CSMD1: variants seen among roughly 807,000 people sequenced by gnomAD.
The protein encoded by CSMD1 is CUB and Sushi multiple domains 1.
A neutral mutation model predicts 417.5 loss-of-function variants in CSMD1; 213 were observed. That is an observed-to-expected ratio of 0.51 (90% confidence interval 0.46 to 0.57). The LOEUF (loss-of-function observed/expected upper bound fraction) is 0.57. Ranked by LOEUF, CSMD1 falls within the 20% of genes least tolerant of loss-of-function variation. CSMD1 has a pLI of 0.00. For synonymous variants in CSMD1, 2,862 were observed against 1,736.8 expected, an observed-to-expected ratio of 1.65 and a Z score of -16.11; for missense variants, 6,923 against 4,529.7, an observed-to-expected ratio of 1.53 and a Z score of -15.17.
chr8:3,058,563 T>A (rs928822120), intron 49 of CSMD1, among the ~76,000 whole-genome samples: 1 of 152,168 alleles, frequency 6.6e-6, no homozygotes, highest in Non-Finnish European at 1.5e-5. Context: ...AGTTGTCGAT[T>A]TACCATGCAA....
chr8:4,220,887 G>C (rs1053118949), intron 3 of CSMD1, among the ~76,000 whole-genome samples: 1 of 152,190 alleles, frequency 6.6e-6, no homozygotes, highest in Non-Finnish European at 1.5e-5. Context: ...ATTTGGGACT[G>C]GATGTGGGAG....
At chr8:3,554,879 G>A (rs1399961593) in intron 10 of CSMD1, among the ~76,000 whole-genome samples, 1 of 152,132 alleles carries the variant, frequency 6.6e-6, no homozygotes, top group Non-Finnish European at 1.5e-5. Flanking sequence ...CCCCTGCAGT[G>A]GTGAGAGTGT....
At position 4,359,947 on chromosome 8, in the gene CSMD1, T is replaced by G. The variant is rs77877253; in HGVS notation, c.415+60006A>C. Among the ~76,000 whole-genome samples, 495 of 152,324 alleles carry G rather than the reference T, an allele frequency of 3.2e-3. 24 individuals are homozygous for G. The East Asian group carries it at 0.084, about 26-fold the overall frequency. ...GTTCAGTGAAAGAATGCTTCCCTAC[T>G]GGAGATCTTCCACATGGTTAGGATG... On this transcript the variant is annotated intron_variant, in intron 3 of 69. Coordinates refer to ENST00000635120, the MANE Select transcript of CSMD1 (RefSeq NM_033225.6).
intron 3 of CSMD1, among the ~76,000 whole-genome samples, chr8:4,409,439 A>C (rs890457362): frequency 1.3e-5 from 2 of 152,198 alleles, no homozygotes; most frequent in Non-Finnish European, 2.9e-5. Flanking sequence ...GAATAAAAAC[A>C]AATCAACAAC....
At chr8:4,125,751 T>C (rs566021577) in intron 3 of CSMD1, among the ~76,000 whole-genome samples, 7 of 152,242 alleles carry the variant, frequency 4.6e-5, no homozygotes, top group East Asian at 1.9e-4. Context: ...TGAAACAAAA[T>C]TGTTTACAGC....
chr8:3,043,142 G>A (rs1289351499), intron 50 of CSMD1, among the ~76,000 whole-genome samples: 4 of 150,744 alleles, frequency 2.7e-5, no homozygotes, highest in Admixed American at 2.0e-4. Flanking sequence ...TATATATAGT[G>A]ATATACATAT....
intron 1 of CSMD1, among the ~76,000 whole-genome samples, chr8:4,742,961 A>G (rs1170169994): frequency 6.6e-6 from 1 of 152,240 alleles, no homozygotes; most frequent in Admixed American, 6.5e-5. Flanking sequence ...TGCATTATCT[A>G]CAACTAAAGG....
chr8:4,517,283 T>G (rs891886042), intron 2 of CSMD1, among the ~76,000 whole-genome samples: 8 of 152,200 alleles, frequency 5.3e-5, no homozygotes, highest in Admixed American at 4.6e-4. Flanking sequence ...AACGTAGTGA[T>G]AAAAGCTGTA....
intron 2 of CSMD1, among the ~76,000 whole-genome samples, chr8:4,439,827 G>A (rs984171266): frequency 3.3e-5 from 5 of 152,114 alleles, no homozygotes; most frequent in African/African-American, 1.2e-4. Context: ...GAAAATTAAA[G>A]GCACTAATAC....
At chr8:3,804,274 C>G (rs1800610226) in intron 5 of CSMD1, among the ~76,000 whole-genome samples, 1 of 152,066 alleles carries the variant, frequency 6.6e-6, no homozygotes, top group African/African-American at 2.4e-5. Flanking sequence ...ATTTAACTTG[C>G]AGGTGCAGAA....
chr8:4,069,263 T>A (rs1478374150), intron 3 of CSMD1, among the ~76,000 whole-genome samples: 2 of 152,210 alleles, frequency 1.3e-5, no homozygotes, highest in African/African-American at 2.4e-5. Flanking sequence ...AAGATTACTG[T>A]GAATTCTTTG....
chr8:3,879,864 G>GTCT (rs1448137770), intron 5 of CSMD1, among the ~76,000 whole-genome samples: 37 of 152,020 alleles, frequency 2.4e-4, no homozygotes, highest in African/African-American at 8.2e-4. Context: ...TTGCGTTTTA[G>GTCT]TCTTCTTCTG....
Position 3,214,536 on chromosome 8 carries a change from C to A in CSMD1, c.4828G>T (p.Gly1610Trp). The A allele has an allele frequency of 6.2e-7, 1 of 1,600,382 alleles. No individual in the cohort carries two copies. The highest frequency in any genetic ancestry group is 2.2e-5 in the East Asian group (1 of 44,488). Residue 1610 changes from glycine (G) to tryptophan (W), a missense_variant, in exon 30 of 70, where the codon GGG (glycine) becomes TGG (tryptophan). By Grantham distance (184) the Gly-to-Trp change is radical. Coordinates refer to ENST00000635120, the MANE Select transcript of CSMD1 (RefSeq NM_033225.6). ...AGCACTTGGTCCCAGGAGGGTTTCC[C>A]ATCAGCCCCAATCACACAGGTGATG... Reference protein sequence around the residue: ...SSITCVIGADGKPSWDQVLPS... With the variant: ...SSITCVIGADWKPSWDQVLPS...
At chr8:4,314,118 G>C (rs1392774998) in intron 3 of CSMD1, among the ~76,000 whole-genome samples, 1 of 151,986 alleles carries the variant, frequency 6.6e-6, no homozygotes, top group South Asian at 2.1e-4. Flanking sequence ...ATACCACCAT[G>C]TATCCGACAT....
In CSMD1 at chr8:3,718,997, G is replaced by A. The variant is rs186948270; in HGVS notation, c.932-10506C>T. On this transcript the variant is annotated intron_variant, in intron 6 of 69. Transcript: ENST00000635120. ...AGCGCAAAGGGGGAGGCAGAACAAG[G>A]GGTGAGACAACGCGCTCAGAAACAA... Among the ~76,000 whole-genome samples, 437 of 152,208 alleles carry A rather than the reference G, an allele frequency of 2.9e-3. 1 individual carries two copies. Among genetic ancestry groups the A allele is most frequent in the Non-Finnish European group, 4.8e-3 (328 of 67,994 alleles).
At chr8:3,575,332 G>A (rs566664891) in intron 9 of CSMD1, among the ~76,000 whole-genome samples, 12 of 152,100 alleles carry the variant, frequency 7.9e-5, no homozygotes, top group Non-Finnish European at 1.6e-4. Context: ...GGATCTAACA[G>A]ATGACAGCCT....
intron 6 of CSMD1, among the ~76,000 whole-genome samples, chr8:3,722,431 C>G (rs141727370): frequency 5.9e-5 from 9 of 152,308 alleles, no homozygotes; most frequent in South Asian, 2.1e-4. Flanking sequence ...AACTCCTAAT[C>G]TTAAATAAAT....
At chr8:3,813,910 T>C (rs961590933) in intron 5 of CSMD1, among the ~76,000 whole-genome samples, 45 of 152,226 alleles carry the variant, frequency 3.0e-4, no homozygotes, top group African/African-American at 1.1e-3. Context: ...CTACTCTTCT[T>C]ACTTGTTAAG....
chr8:4,919,450 A>C (rs1391970425), intron 1 of CSMD1, among the ~76,000 whole-genome samples: 2 of 152,206 alleles, frequency 1.3e-5, no homozygotes, highest in South Asian at 2.1e-4. Flanking sequence ...GGGGGATTTA[A>C]TGTATATTTT....
Sources: allele counts gnomAD v4.1 joint callset (sites outside exome capture counted in the v4.1 genomes callset), GRCh38; gene constraint gnomAD v4.1.1; transcripts MANE v1.5; gene names NCBI Gene and HGNC (gene_info 2026-07-23, HGNC 2026-07-21).